TNS1: variants seen among roughly 807,000 people sequenced by gnomAD.
TNS1 encodes the protein tensin-1.
A neutral mutation model predicts 168.6 loss-of-function variants in TNS1; 62 were observed. That is an observed-to-expected ratio of 0.37 (90% CI 0.30 to 0.45). TNS1 has a LOEUF of 0.45. Among genes scored for constraint, TNS1 ranks in the 20% least tolerant of loss-of-function variants. The pLI, the probability that TNS1 is intolerant of heterozygous loss-of-function variation, is 1.00. For synonymous variants in TNS1, 934 were observed against 933.2 expected (o/e 1.00, Z -0.02); for missense variants, 2,240 against 2,339.4 (o/e 0.96, Z 0.88).
chr2:217,932,674 G>A (rs182974284), intron 3 of TNS1, among the ~76,000 whole-genome samples: 7 of 152,266 alleles, frequency 4.6e-5, no homozygotes, highest in African/African-American at 1.7e-4. Context: ...AAACAATAGA[G>A]GGAGAGGAAG....
chr2:217,879,510 C>T (rs1489857137), intron 18 of TNS1: 1 of 416,254 alleles, frequency 2.4e-6, no homozygotes. Context: ...GGGTGCTGGG[C>T]CCCTGGGGGA....
intron 3 of TNS1, among the ~76,000 whole-genome samples, chr2:217,926,263 G>A (rs1025502194): frequency 5.9e-5 from 9 of 152,174 alleles, no homozygotes; most frequent in Non-Finnish European, 8.8e-5. Flanking sequence ...GTCACCCGGC[G>A]TATGGTATTT....
At chr2:217,867,647 C>T (rs544921797) in intron 18 of TNS1, among the ~76,000 whole-genome samples, 1 of 152,354 alleles carries the variant, frequency 6.6e-6, no homozygotes, top group South Asian at 2.1e-4. Context: ...TCCCTGTTAC[C>T]TTATCTCCCA....
At chr2:217,899,097 A>G (rs1030693146) in intron 7 of TNS1, among the ~76,000 whole-genome samples, 1 of 152,186 alleles carries the variant, frequency 6.6e-6, no homozygotes, top group Admixed American at 6.5e-5. Context: ...CTGGCACTAG[A>G]CAGAACAAGC....
rs573742751 is a variant in TNS1 at position 217,836,281 on chromosome 2, C to T, written c.3008-70G>A. ...AAGAAATGATCAATCGGCCTAATCC[C>T]ATCAGAGAAGGCAGTGCCTCCTAGC... On this transcript the variant is annotated intron_variant, in intron 19 of 32. Transcript: ENST00000682258. The T allele has an allele frequency of 3.8e-5, 55 of 1,463,508 alleles. No individual in the cohort carries two copies. The African/African-American group carries it at 6.8e-4, about 18-fold the overall frequency. 90.7% of individuals were successfully genotyped at this position (1,463,508 alleles called of 1,614,324 possible). A position where few individuals can be genotyped will look rare whatever the true frequency, so the allele number is the denominator to read the frequency against.
At chr2:217,949,830 G>A (rs1487777284) in intron 3 of TNS1, among the ~76,000 whole-genome samples, 1 of 152,170 alleles carries the variant, frequency 6.6e-6, no homozygotes, top group Non-Finnish European at 1.5e-5. Flanking sequence ...AAATGAGCCA[G>A]AATTAGCAAG....
At chr2:217,891,754 C>A (rs1951765345) in intron 11 of TNS1, among the ~76,000 whole-genome samples, 1 of 152,224 alleles carries the variant, frequency 6.6e-6, no homozygotes, top group South Asian at 2.1e-4. Context: ...TCTTCCTCTT[C>A]CCTCACTTGC....
intron 3 of TNS1, among the ~76,000 whole-genome samples, chr2:217,954,971 T>G (rs1244589210): frequency 6.6e-6 from 1 of 151,892 alleles, no homozygotes; most frequent in African/African-American, 2.4e-5. Flanking sequence ...CACACTTCCG[T>G]GAATGTACAC....
At chr2:217,926,137 G>A (rs182337742) in intron 3 of TNS1, among the ~76,000 whole-genome samples, 2 of 152,120 alleles carry the variant, frequency 1.3e-5, no homozygotes, top group Non-Finnish European at 2.9e-5. Context: ...GGGAGAAGGC[G>A]GCATCTCCAA....
In TNS1 at chr2:217,880,501, G is replaced by T. The variant is rs983637642; in HGVS notation, c.1429+397C>A. ...GTTTAATACACATGTGACAAATGCT[G>T]TTTTTGCAGCACAGTGGGGGGTATC... On this transcript the variant is annotated intron_variant, in intron 18 of 32. Coordinates refer to ENST00000682258, the MANE Select transcript of TNS1 (RefSeq NM_001387777.1). This position sits in a 1 kb window ranked among gnomAD's most constrained non-coding sequence, Gnocchi z 4.2. Among the ~76,000 whole-genome samples the T allele has an allele frequency of 6.6e-6, 1 of 152,068 alleles. No homozygotes were observed. The highest frequency in any genetic ancestry group is 1.5e-5 in the Non-Finnish European group (1 of 68,010).
intron 7 of TNS1, 149 bp from the exon 8 acceptor site, chr2:217,898,118 G>T: frequency 1.0e-6 from 1 of 966,244 alleles, no homozygotes; most frequent in Non-Finnish European, 1.4e-6. Context: ...CAAGGCCACA[G>T]GCTTCCTCTG....
chr2:217,816,031 A>G (rs932336101), intron 24 of TNS1, among the ~76,000 whole-genome samples: 1 of 152,294 alleles, frequency 6.6e-6, no homozygotes, highest in South Asian at 2.1e-4. Context: ...GTCATAGAAC[A>G]TTAGATTCTG....
At chr2:217,861,301 C>T (rs1206820754) in intron 18 of TNS1, among the ~76,000 whole-genome samples, 2 of 152,140 alleles carry the variant, frequency 1.3e-5, no homozygotes. Flanking sequence ...CTGAATGAGA[C>T]GTGCCTGCCC....
At chr2:218,016,963 C>T (rs73080379) in intron 1 of TNS1, among the ~76,000 whole-genome samples, 5 of 152,124 alleles carry the variant, frequency 3.3e-5, no homozygotes, top group South Asian at 2.1e-4. Flanking sequence ...AATCAAAGAA[C>T]GAGGAGAGAA....
At chr2:217,931,912 C>A (rs1248026172) in intron 3 of TNS1, among the ~76,000 whole-genome samples, 1 of 152,198 alleles carries the variant, frequency 6.6e-6, no homozygotes, top group Non-Finnish European at 1.5e-5. Flanking sequence ...ATGTGGTGGA[C>A]AACCAGGAAA....
chr2:217,963,526 T>G (rs2126008910), intron 3 of TNS1, among the ~76,000 whole-genome samples: 1 of 152,108 alleles, frequency 6.6e-6, no homozygotes, highest in Admixed American at 6.5e-5. Context: ...CTTGAGAAAA[T>G]GGCCCAAGGC....
At chr2:218,003,080 T>TATCCTCC (rs1958597683), upstream of TNS1, 7 of 363,008 alleles carry the variant, frequency 1.9e-5, no homozygotes, top group Admixed American at 1.9e-4. Context: ...CAGCCTCCTC[T>TATCCTCC]CTCCTCCCTC....
intron 6 of TNS1, among the ~76,000 whole-genome samples, chr2:217,902,438 G>T (rs1448310211): frequency 6.6e-6 from 1 of 152,146 alleles, no homozygotes; most frequent in Non-Finnish European, 1.5e-5. Context: ...GGGAGCTGGA[G>T]AAAGACAATG....
Position 217,988,487 on chromosome 2 carries a change from T to C in TNS1, c.148+2455A>G, listed in dbSNP as rs185594096. Among the ~76,000 whole-genome samples, 172 of 152,172 alleles carry C rather than the reference T, an allele frequency of 1.1e-3. 1 individual carries two copies. Among genetic ancestry groups the C allele is most frequent in the Admixed American group, 2.9e-3 (44 of 15,288 alleles). On this transcript the variant is annotated intron_variant, in intron 2 of 32. Coordinates refer to ENST00000682258, the MANE Select transcript of TNS1 (RefSeq NM_001387777.1). ...CCCCAGACTGCCTCGTATCACCATATTGGGAGTCCCTGGAGTGACGGGAAG... is the reference window on the plus strand; with the variant it reads ...CCCCAGACTGCCTCGTATCACCATACTGGGAGTCCCTGGAGTGACGGGAAG...
Sources: gnomAD v4.1 joint callset for allele counts (sites outside exome capture counted in the v4.1 genomes callset) on GRCh38, gnomAD v4.1.1 for gene constraint, Gnocchi (gnomAD v3.1) non-coding constraint, MANE v1.5 for transcripts, NCBI Gene and HGNC (gene_info 2026-07-23, HGNC 2026-07-21) for gene names.